PHLPP1: variants seen among roughly 807,000 people sequenced by gnomAD.
PHLPP1 encodes PH domain leucine-rich repeat-containing protein phosphatase 1.
PHLPP1 carries 42 observed loss-of-function variants against 117.2 expected under a neutral mutation model. The ratio of observed to expected loss-of-function variants is 0.36; its 90% CI spans 0.28 to 0.46. The LOEUF (loss-of-function observed/expected upper bound fraction) is 0.46, where lower values mean the gene tolerates loss of function less well. Among genes scored for constraint, PHLPP1 ranks in the 20% least tolerant of loss-of-function variants. The probability of loss-of-function intolerance (pLI) is 1.00; values close to 1 mark genes in which losing one functional copy is unlikely to be tolerated. For synonymous variants in PHLPP1, 1,042 were observed against 970.7 expected, an observed-to-expected ratio of 1.07 and a Z score of -1.37; for missense variants, 2,084 against 2,241.9, an observed-to-expected ratio of 0.93 and a Z score of 1.42.
intron 12 of PHLPP1, among the ~76,000 whole-genome samples, chr18:62,947,212 A>G (rs1254933595): frequency 6.6e-6 from 1 of 152,268 alleles, no homozygotes; most frequent in African/African-American, 2.4e-5. Flanking sequence ...TGTTAAAGAA[A>G]GAAAAGAATT....
At chr18:62,813,113 T>C (rs939624630) in intron 1 of PHLPP1, among the ~76,000 whole-genome samples, 9 of 152,208 alleles carry the variant, frequency 5.9e-5, no homozygotes, top group African/African-American at 2.2e-4. Context: ...ATTTCAAATA[T>C]GTTTTGCCAG....
chr18:62,905,204 GTTT>G lies in PHLPP1; in HGVS notation c.2648-11_2648-9del, dbSNP rs3217528. 1.5e-6 allele frequency: 2 copies of G among 1,295,812 alleles called. No homozygotes were observed. Among genetic ancestry groups the G allele is most frequent in the Admixed American group, 2.5e-5 (1 of 39,446 alleles). 80.3% of individuals were successfully genotyped at this position (1,295,812 alleles called of 1,614,324 possible). ...ATTTGTATAGTAATGTCTTTGTGGGGTTTTTTTTTTTCTTCCTAGAACTTGTTC... is the reference window on the plus strand; with the variant it reads ...ATTTGTATAGTAATGTCTTTGTGGGGTTTTTTTTCTTCCTAGAACTTGTTC... On this transcript the variant is annotated splice_polypyrimidine_tract_variant and intron_variant, in intron 7 of 16. Transcript: ENST00000262719.
intron 12 of PHLPP1, among the ~76,000 whole-genome samples, chr18:62,952,674 C>T (rs1161293247): frequency 3.3e-5 from 5 of 152,262 alleles, no homozygotes; most frequent in South Asian, 4.1e-4. Flanking sequence ...TTGCGCATGC[C>T]GGAGTGCAGT....
intron 11 of PHLPP1, among the ~76,000 whole-genome samples, chr18:62,942,784 A>T (rs1482136083): frequency 6.6e-6 from 1 of 152,108 alleles, no homozygotes; most frequent in Non-Finnish European, 1.5e-5. Context: ...ATTGGGGCCA[A>T]ATCAAAACAC....
At chr18:62,784,334 A>C (rs567563060) in intron 1 of PHLPP1, among the ~76,000 whole-genome samples, 114 of 152,360 alleles carry the variant, frequency 7.5e-4, no homozygotes, top group Middle Eastern at 6.8e-3. Flanking sequence ...TAAAAGAGGA[A>C]TGTAAAGTTT....
intron 1 of PHLPP1, among the ~76,000 whole-genome samples, chr18:62,782,287 C>T (rs1913141476): frequency 6.6e-6 from 1 of 152,204 alleles, no homozygotes; most frequent in African/African-American, 2.4e-5. Context: ...ATGTGGCAAG[C>T]CTCTTCTGCT....
At position 62,716,509 on chromosome 18, in the gene PHLPP1, C is replaced by T; in HGVS notation, c.826C>T (p.Pro276Ser). The change falls in exon 1 of 17, where the codon CCG becomes TCG. Residue 276 changes from proline to serine, a missense_variant. By Grantham distance (74) the Pro-to-Ser change is moderately conservative. This residue lies in a region of PHLPP1 where 719 missense variants were observed against 636.0 expected (regional missense o/e 1.13). Transcript: ENST00000262719. The surrounding 1 kb of genome is among the most constrained non-coding windows in gnomAD (Gnocchi z 5.7). ...EAGPRLAPPE[P>S]RDSEVPPARS... ...CGGCCCCCGGCTGGCGCCCCCGGAG[C>T]CGCGGGACTCGGAGGTACCGCCCGC... 8.3e-7 allele frequency: 1 copy of T among 1,199,300 alleles called. No homozygotes were observed. Among genetic ancestry groups the T allele is most frequent in the South Asian group, 4.0e-5 (1 of 24,750 alleles). 74.3% of individuals were successfully genotyped at this position (1,199,300 alleles called of 1,614,324 possible).
At chr18:62,788,918 T>G (rs1169433088) in intron 1 of PHLPP1, among the ~76,000 whole-genome samples, 1 of 152,208 alleles carries the variant, frequency 6.6e-6, no homozygotes, top group Non-Finnish European at 1.5e-5. Context: ...TTCATCTTGT[T>G]GTTAGCAAAT....
At chr18:62,805,631 G>A (rs1913928073) in intron 1 of PHLPP1, among the ~76,000 whole-genome samples, 1 of 152,106 alleles carries the variant, frequency 6.6e-6, no homozygotes, top group Admixed American at 6.6e-5. Context: ...AAAGTGTTGG[G>A]ATTATAGGTA....
intron 1 of PHLPP1, among the ~76,000 whole-genome samples, chr18:62,773,882 C>T (rs967682145): frequency 7.2e-5 from 11 of 152,104 alleles, no homozygotes; most frequent in Non-Finnish European, 1.2e-4. Context: ...AGGCCTGTTT[C>T]CTGGCTTATA....
At chr18:62,725,304 G>T (rs1230496258) in intron 1 of PHLPP1, among the ~76,000 whole-genome samples, 2 of 148,768 alleles carry the variant, frequency 1.3e-5, no homozygotes, top group Non-Finnish European at 3.0e-5. Flanking sequence ...AGGTTGCAGT[G>T]AGCCAACATT....
chr18:62,860,877 A>G (rs1399193972), intron 4 of PHLPP1, among the ~76,000 whole-genome samples: 1 of 152,228 alleles, frequency 6.6e-6, no homozygotes, highest in Non-Finnish European at 1.5e-5. Flanking sequence ...TTTTATTCCT[A>G]TCTAAAAATG....
At chr18:62,838,981 G>A (rs1914985216) in intron 3 of PHLPP1, 72 bp downstream of exon 3, 1 of 1,519,092 alleles carries the variant, frequency 6.6e-7, no homozygotes, top group Non-Finnish European at 9.0e-7. Context: ...GCTTTAGCTG[G>A]GTCTAAAATA....
At chr18:62,916,167 A>G (rs184811211) in intron 9 of PHLPP1, among the ~76,000 whole-genome samples, 63 of 152,184 alleles carry the variant, frequency 4.1e-4, no homozygotes, top group African/African-American at 1.3e-3. Flanking sequence ...CCATTAGCCA[A>G]GTGACTGTTG....
intron 3 of PHLPP1, among the ~76,000 whole-genome samples, chr18:62,849,814 A>ATATATATATATAT (rs1568137141): frequency 2.2e-5 from 1 of 45,144 alleles, no homozygotes; most frequent in Non-Finnish European, 4.6e-5. Context: ...AAAAAAAAAA[A>ATATATATATATAT]AAAAAAAAAA....
At chr18:62,783,773 A>T (rs1913197657) in intron 1 of PHLPP1, among the ~76,000 whole-genome samples, 1 of 151,842 alleles carries the variant, frequency 6.6e-6, no homozygotes, top group African/African-American at 2.4e-5. Context: ...TAATTAAATC[A>T]TGTTTCTTAT....
chr18:62,959,098 G>A (rs1019059006), intron 13 of PHLPP1, among the ~76,000 whole-genome samples: 1 of 152,210 alleles, frequency 6.6e-6, no homozygotes, highest in African/African-American at 2.4e-5. Context: ...CCAATAGTTA[G>A]ATCTTCACGG....
At chr18:62,783,167 G>A (rs2144280835) in intron 1 of PHLPP1, among the ~76,000 whole-genome samples, 1 of 144,480 alleles carries the variant, frequency 6.9e-6, no homozygotes, top group Non-Finnish European at 1.5e-5. Flanking sequence ...AAAAAAAAAA[G>A]ATGAGTCACG....
At chr18:62,764,780 T>C (rs1912408485) in intron 1 of PHLPP1, among the ~76,000 whole-genome samples, 2 of 152,376 alleles carry the variant, frequency 1.3e-5, no homozygotes, top group African/African-American at 4.8e-5. Context: ...GATGTGATGC[T>C]AGCTTTCATT....
Sources: allele counts gnomAD v4.1 joint callset (sites outside exome capture counted in the v4.1 genomes callset), GRCh38; gene constraint gnomAD v4.1.1; regional missense constraint gnomAD v4.1.1; non-coding constraint Gnocchi (gnomAD v3.1); transcripts MANE v1.5; gene names NCBI Gene and HGNC (gene_info 2026-07-23, HGNC 2026-07-21).